NRG3: variants seen among roughly 807,000 people sequenced by gnomAD.
NRG3 encodes the protein pro-neuregulin-3, membrane-bound isoform.
A neutral mutation model predicts 66.9 loss-of-function variants in NRG3; 31 were observed. The observed-to-expected ratio is 0.46, with a 90% confidence interval of 0.35 to 0.63. NRG3 has a LOEUF of 0.63. Among genes scored for constraint, NRG3 ranks in the 20% least tolerant of loss-of-function variants. The pLI is 0.00. For synonymous variants in NRG3, 393 were observed against 359.4 expected (o/e 1.09, Z -1.06); for missense variants, 910 against 878.9 (o/e 1.04, Z -0.45).
At chr10:82,099,440 G>A (rs2066587092) in intron 1 of NRG3, among the ~76,000 whole-genome samples, 1 of 152,080 alleles carries the variant, frequency 6.6e-6, no homozygotes, top group African/African-American at 2.4e-5. Flanking sequence ...ATTCCACATT[G>A]TCTTAATATG....
At position 82,132,151 on chromosome 10, in the gene NRG3, G is replaced by A. The variant is rs1283229037; in HGVS notation, c.824-226588G>A. ...AAGGCTTTCAGTTGTTCCCTGTTTAGTATGATACTAGCTGTGGGTCTGTCA... is the reference window on the plus strand; with the variant it reads ...AAGGCTTTCAGTTGTTCCCTGTTTAATATGATACTAGCTGTGGGTCTGTCA... On this transcript the variant is annotated intron_variant, in intron 1 of 8. Transcript: ENST00000372141. 5.9e-5 allele frequency among the ~76,000 whole-genome samples: 9 copies of A among 151,994 alleles called. No individual in the cohort carries two copies. The South Asian group carries it at 1.5e-3, about 25-fold the overall frequency.
chr10:82,327,892 A>G (rs540318700), intron 1 of NRG3, among the ~76,000 whole-genome samples: 1 of 152,222 alleles, frequency 6.6e-6, no homozygotes, highest in South Asian at 2.1e-4. Context: ...CTTCTCTCTG[A>G]GTCCTCTCAT....
intron 2 of NRG3, among the ~76,000 whole-genome samples, chr10:82,651,695 G>A (rs558354756): frequency 3.1e-4 from 47 of 152,354 alleles, no homozygotes; most frequent in African/African-American, 8.9e-4. Context: ...TCAATGTCTA[G>A]AGACATTTTG....
At chr10:82,071,475 C>T (rs1219505516) in intron 1 of NRG3, among the ~76,000 whole-genome samples, 2 of 152,120 alleles carry the variant, frequency 1.3e-5, no homozygotes, top group Admixed American at 6.5e-5. Flanking sequence ...AAGGGCATCC[C>T]AGGCAGAGGA....
At chr10:82,875,048 A>G (rs988518275) in intron 4 of NRG3, among the ~76,000 whole-genome samples, 4 of 152,212 alleles carry the variant, frequency 2.6e-5, no homozygotes, top group African/African-American at 7.2e-5. Flanking sequence ...CCAACAGTAT[A>G]AAAAGGACCA....
chr10:82,691,992 T>C (rs1227332214), intron 2 of NRG3, among the ~76,000 whole-genome samples: 1 of 152,072 alleles, frequency 6.6e-6, no homozygotes, highest in African/African-American at 2.4e-5. Context: ...GGATAAAAGG[T>C]AACAATTGGC....
In NRG3 at chr10:82,243,871, C is replaced by T. The variant is rs184076100; in HGVS notation, c.824-114868C>T. Among the ~76,000 whole-genome samples, 530 of 152,192 alleles carry T rather than the reference C, an allele frequency of 3.5e-3. 2 individuals carry two copies. Among genetic ancestry groups the T allele is most frequent in the African/African-American group, 0.011 (471 of 41,526 alleles). ...ATACAGCAAAGGAGAGAAATTGCTA[C>T]GCAGGATTTAGTGATATTTTCAAGG... On this transcript the variant is annotated intron_variant, in intron 1 of 8. Coordinates refer to ENST00000372141, the MANE Select transcript of NRG3 (RefSeq NM_001010848.4).
At chr10:81,876,577 G>A (rs1310996653) in intron 1 of NRG3, among the ~76,000 whole-genome samples, 2 of 152,212 alleles carry the variant, frequency 1.3e-5, no homozygotes, top group Non-Finnish European at 2.9e-5. Context: ...TCCGCCCGCC[G>A]GTAGGAAGGA....
At position 82,954,141 on chromosome 10, in the gene NRG3, G is replaced by C. The variant is rs151143169; in HGVS notation, c.1157+2570G>C. Among the ~76,000 whole-genome samples, 600 of 151,948 alleles carry C rather than the reference G, an allele frequency of 3.9e-3. 10 individuals are homozygous for C. The highest frequency in any genetic ancestry group is 7.0e-3 in the East Asian group (36 of 5,162). ...CGAGAGTGGTAATCACACCCAGCAG[G>C]GTGGTAGTTAGAAGTGTCTCCCTGC... On this transcript the variant is annotated intron_variant, in intron 5 of 8. Coordinates refer to ENST00000372141, the MANE Select transcript of NRG3 (RefSeq NM_001010848.4).
chr10:82,757,481 T>C (rs1429311901), intron 3 of NRG3, among the ~76,000 whole-genome samples: 1 of 152,030 alleles, frequency 6.6e-6, no homozygotes, highest in Non-Finnish European at 1.5e-5. Flanking sequence ...AGAAAGAAAA[T>C]TCTTCGGGGA....
chr10:82,680,790 GT>G (rs1345972524), intron 2 of NRG3, among the ~76,000 whole-genome samples: 2 of 152,200 alleles, frequency 1.3e-5, no homozygotes, highest in Non-Finnish European at 2.9e-5. Context: ...TCACTAGGCA[GT>G]TTCAGTGGAA....
At chr10:82,156,957 A>T (rs530906506) in intron 1 of NRG3, among the ~76,000 whole-genome samples, 1 of 151,644 alleles carries the variant, frequency 6.6e-6, no homozygotes, top group Non-Finnish European at 1.5e-5. Flanking sequence ...TTTTTAATTT[A>T]TTGCTTAATT....
chr10:82,016,986 C>T (rs1452650280), intron 1 of NRG3, among the ~76,000 whole-genome samples: 1 of 152,108 alleles, frequency 6.6e-6, no homozygotes, highest in African/African-American at 2.4e-5. Context: ...GCACAACGTG[C>T]ACGTTTGTTA....
intron 1 of NRG3, among the ~76,000 whole-genome samples, chr10:82,123,681 G>A (rs2068240151): frequency 1.3e-5 from 2 of 152,142 alleles, no homozygotes; most frequent in African/African-American, 4.8e-5. Flanking sequence ...TCTTCTGCTG[G>A]TGTCATTAGT....
intron 1 of NRG3, among the ~76,000 whole-genome samples, chr10:82,343,958 A>T (rs1299932398): frequency 2.0e-5 from 3 of 152,158 alleles, no homozygotes; most frequent in Non-Finnish European, 4.4e-5. Context: ...TATTTTGAAC[A>T]TCACATCCAT....
chr10:82,749,209 G>A (rs1046512793), intron 3 of NRG3, among the ~76,000 whole-genome samples: 1 of 152,084 alleles, frequency 6.6e-6, no homozygotes. Context: ...CATGCCCTGA[G>A]GTGGTGCTCT....
At chr10:82,045,146 A>T (rs1262558192) in intron 1 of NRG3, among the ~76,000 whole-genome samples, 67 of 112,972 alleles carry the variant, frequency 5.9e-4, no homozygotes, top group Admixed American at 1.6e-3. Flanking sequence ...CGCCACACTG[A>T]CTTCCACAAT....
chr10:82,978,268 TA>T (rs1393341633), intron 7 of NRG3, among the ~76,000 whole-genome samples: 1 of 152,234 alleles, frequency 6.6e-6, no homozygotes, highest in Non-Finnish European at 1.5e-5. Context: ...GCCTGTGGTA[TA>T]ACCCACTTAC....
chr10:81,929,719 A>G (rs914513561), intron 1 of NRG3, among the ~76,000 whole-genome samples: 3 of 152,246 alleles, frequency 2.0e-5, no homozygotes, highest in African/African-American at 7.2e-5. Context: ...ACTCTATCCA[A>G]TGTTTCTTAA....
Sources: gnomAD v4.1 joint callset for allele counts (sites outside exome capture counted in the v4.1 genomes callset) on GRCh38, gnomAD v4.1.1 for gene constraint, MANE v1.5 for transcripts, NCBI Gene and HGNC (gene_info 2026-07-23, HGNC 2026-07-21) for gene names.